The following PPME1 variants were observed in gnomAD, a reference collection of about 807,000 sequenced individuals.
PPME1 encodes the protein protein phosphatase methylesterase 1.
Under a neutral mutation model 56.9 loss-of-function variants are expected in PPME1, and 17 were observed. The ratio of observed to expected loss-of-function variants is 0.30; its 90% CI spans 0.20 to 0.45. The LOEUF is 0.45. Ranked by LOEUF, PPME1 falls within the 20% of genes least tolerant of loss-of-function variation. The pLI, the probability that PPME1 is intolerant of heterozygous loss-of-function variation, is 1.00. For missense variants in PPME1, 357 were observed against 483.2 expected, an observed-to-expected ratio of 0.74 and a Z score of 2.45; for synonymous variants, 122 against 156.2, an observed-to-expected ratio of 0.78 and a Z score of 1.63.
intron 7 of PPME1, chr11:74,235,631 A>G: frequency 5.1e-6 from 2 of 393,696 alleles, no homozygotes; most frequent in Non-Finnish European, 4.6e-6. Context: ...TCCCTACCGA[A>G]TTATGTGCTT....
chr11:74,229,699 T>A (rs1300047400), intron 5 of PPME1, among the ~76,000 whole-genome samples: 1 of 152,194 alleles, frequency 6.6e-6, no homozygotes, highest in Non-Finnish European at 1.5e-5. Context: ...CTCAAAGCAA[T>A]CCAGAGCAGT....
intron 1 of PPME1, among the ~76,000 whole-genome samples, chr11:74,183,959 G>C (rs1339965315): frequency 6.6e-6 from 1 of 152,160 alleles, no homozygotes; most frequent in Non-Finnish European, 1.5e-5. Context: ...ATTTAATAGA[G>C]AAGTAAATGG....
At chr11:74,210,058 T>C (rs1858433292) in intron 3 of PPME1, among the ~76,000 whole-genome samples, 1 of 152,144 alleles carries the variant, frequency 6.6e-6, no homozygotes, top group Admixed American at 6.5e-5. Flanking sequence ...CAAGACCCCA[T>C]CTCATTTATA....
In PPME1 at chr11:74,222,388, T is replaced by A. The variant is rs1858821115; in HGVS notation, c.346+19T>A. 1 of 1,580,308 alleles carries A rather than the reference T, an allele frequency of 6.3e-7. No homozygotes were observed. ...AGTCATGGTGAGTAAAGTTCTTAATTAGCCATTAACTGGATTATAGTCATC... is the reference window on the plus strand; with the variant it reads ...AGTCATGGTGAGTAAAGTTCTTAATAAGCCATTAACTGGATTATAGTCATC... On this transcript the variant is annotated intron_variant, in intron 4 of 13. Coordinates refer to ENST00000328257, the MANE Select transcript of PPME1 (RefSeq NM_016147.3).
At chr11:74,234,669 T>C (rs1859148062) in intron 7 of PPME1, among the ~76,000 whole-genome samples, 1 of 152,126 alleles carries the variant, frequency 6.6e-6, no homozygotes, top group Admixed American at 6.5e-5. Flanking sequence ...ATAAAAATCA[T>C]ATATAAGTTG....
At chr11:74,204,585 T>G (rs1174814898) in intron 3 of PPME1, 140 bp downstream of exon 3, 9 of 650,122 alleles carry the variant, frequency 1.4e-5, no homozygotes, top group Non-Finnish European at 2.1e-5. Flanking sequence ...CTGGGTGGTA[T>G]GTTCTTCAGT....
At chr11:74,197,353 A>T (rs1020172336) in intron 1 of PPME1, among the ~76,000 whole-genome samples, 4 of 152,232 alleles carry the variant, frequency 2.6e-5, no homozygotes, top group Non-Finnish European at 4.4e-5. Flanking sequence ...GAACTAATGG[A>T]GAACCTTCTT....
At chr11:74,189,254 T>A (rs1418962241) in intron 1 of PPME1, among the ~76,000 whole-genome samples, 2 of 152,108 alleles carry the variant, frequency 1.3e-5, no homozygotes, top group Non-Finnish European at 1.5e-5. Context: ...AATAAATAAA[T>A]AAAATAGCAT....
chr11:74,171,299 G>C lies in PPME1; in HGVS notation c.-123G>C, dbSNP rs138934989. 6.6e-7 allele frequency: 1 copy of C among 1,507,736 alleles called. No individual in the cohort carries two copies. Among genetic ancestry groups the C allele is most frequent in the South Asian group, 1.3e-5 (1 of 78,370 alleles). 93.4% of individuals were successfully genotyped at this position (1,507,736 alleles called of 1,614,324 possible). A position where few individuals can be genotyped will look rare whatever the true frequency, so the allele number is the denominator to read the frequency against. On this transcript the variant is annotated 5_prime_UTR_variant, in exon 1 of 14. Transcript: ENST00000328257. ...TGGGCGGTAGGCGGTGCTACGGGTA[G>C]CTGGGTGCTGTCCAAAGGCGACAGG...
intron 3 of PPME1, among the ~76,000 whole-genome samples, chr11:74,216,973 TA>T (rs1446710794): frequency 1.3e-5 from 2 of 152,152 alleles, no homozygotes; most frequent in African/African-American, 4.8e-5. Flanking sequence ...ATCCAAGCTG[TA>T]ATAAAAGTCT....
chr11:74,171,472 A>C lies in PPME1; in HGVS notation c.51A>C (p.Pro17=). 6.2e-7 allele frequency: 1 copy of C among 1,613,132 alleles called. No individual in the cohort carries two copies. The highest frequency in any genetic ancestry group is 8.5e-7 in the Non-Finnish European group (1 of 1,179,710). The change falls in exon 1 of 14, where the codon CCA becomes CCC. Residue 17 remains proline, a synonymous_variant. Coordinates refer to ENST00000328257, the MANE Select transcript of PPME1 (RefSeq NM_016147.3). Reference sequence around the variant, plus strand: ...ACCTCGGCCGCCTTCCCTCTCGCCCACCTCTACCCGGCAGCGGGGGCAGTC... The same window carrying C: ...ACCTCGGCCGCCTTCCCTCTCGCCCCCCTCTACCCGGCAGCGGGGGCAGTC... The part of the protein sequence containing the change: ...SMHLGRLPSR[P]PLPGSGGSQS...
intron 3 of PPME1, among the ~76,000 whole-genome samples, chr11:74,215,713 G>T (rs1858621602): frequency 6.6e-6 from 1 of 152,140 alleles, no homozygotes; most frequent in South Asian, 2.1e-4. Flanking sequence ...ACGTGGAGTG[G>T]CTGAATGAAT....
intron 1 of PPME1, among the ~76,000 whole-genome samples, chr11:74,178,993 A>G (rs1591012608): frequency 6.6e-6 from 1 of 152,186 alleles, no homozygotes; most frequent in African/African-American, 2.4e-5. Flanking sequence ...CTTCAAATAC[A>G]ATATTGATTA....
At chr11:74,250,582 A>C (rs1859632198) in intron 11 of PPME1, 1 of 175,142 alleles carries the variant, frequency 5.7e-6, no homozygotes, top group East Asian at 1.5e-4. Flanking sequence ...TCCCTTTCTT[A>C]TGCTCTTACA....
intron 9 of PPME1, among the ~76,000 whole-genome samples, chr11:74,241,667 T>A (rs1437353069): frequency 6.6e-6 from 1 of 152,228 alleles, no homozygotes; most frequent in Non-Finnish European, 1.5e-5. Flanking sequence ...TTTCTCTCTT[T>A]TTGATTATAG....
chr11:74,231,493 C>G (rs1859066662), intron 7 of PPME1, among the ~76,000 whole-genome samples: 1 of 152,160 alleles, frequency 6.6e-6, no homozygotes, highest in Admixed American at 6.5e-5. Context: ...AGTTGCCACG[C>G]CTTATTGTAA....
At chr11:74,209,922 A>G (rs1004337187) in intron 3 of PPME1, among the ~76,000 whole-genome samples, 6 of 152,176 alleles carry the variant, frequency 3.9e-5, no homozygotes, top group Non-Finnish European at 2.9e-5. Context: ...GAAGTGGGGC[A>G]TAGTGGCACA....
intron 3 of PPME1, among the ~76,000 whole-genome samples, chr11:74,221,800 T>C (rs938221481): frequency 6.6e-6 from 1 of 152,176 alleles, no homozygotes; most frequent in African/African-American, 2.4e-5. Flanking sequence ...TTTTAATAGG[T>C]ACACAAGCTG....
intron 3 of PPME1, among the ~76,000 whole-genome samples, chr11:74,217,456 T>C (rs1488191068): frequency 2.0e-5 from 3 of 149,668 alleles, no homozygotes; most frequent in Non-Finnish European, 4.4e-5. Context: ...GTGGGAGGAT[T>C]GCCTGAACCT....
Sources: allele counts gnomAD v4.1 joint callset (sites outside exome capture counted in the v4.1 genomes callset), GRCh38; gene constraint gnomAD v4.1.1; transcripts MANE v1.5; gene names NCBI Gene and HGNC (gene_info 2026-07-23, HGNC 2026-07-21).